The following ABR variants were observed in gnomAD, a reference collection of about 807,000 sequenced individuals.
ABR encodes active breakpoint cluster region-related protein.
In ABR, 35 loss-of-function variants were observed where a neutral mutation model predicts 107.2. The ratio of observed to expected loss-of-function variants is 0.33; its 90% confidence interval spans 0.25 to 0.43. ABR has a LOEUF of 0.43. Among genes scored for constraint, ABR ranks in the 20% least tolerant of loss-of-function variants. The pLI, the probability that ABR is intolerant of heterozygous loss-of-function variation, is 1.00. For synonymous variants in ABR, 498 were observed against 462.0 expected (o/e 1.08, Z -1.00); for missense variants, 815 against 1,115.2 (o/e 0.73, Z 3.83).
At chr17:1,112,539 AT>A (rs1210747548) in intron 2 of ABR, among the ~76,000 whole-genome samples, 1 of 142,546 alleles carries the variant, frequency 7.0e-6, no homozygotes, top group African/African-American at 2.5e-5. Context: ...GGAGGCTGCA[AT>A]GAGCTATGAT....
chr17:1,100,331 C>G lies in ABR; in HGVS notation c.345+306G>C, dbSNP rs370047690. Among the ~76,000 whole-genome samples, 37 of 152,332 alleles carry G rather than the reference C, an allele frequency of 2.4e-4. 1 individual carries two copies. The South Asian group carries it at 7.2e-3, about 30-fold the overall frequency. Reference sequence around the variant, plus strand: ...GGCGCTCGGCCCCCGCCCAGGCAGGCAGAGCACCATGATGGGTTCACGATG... The same window carrying G: ...GGCGCTCGGCCCCCGCCCAGGCAGGGAGAGCACCATGATGGGTTCACGATG... On this transcript the variant is annotated intron_variant, in intron 3 of 22. Coordinates refer to ENST00000302538, the MANE Select transcript of ABR (RefSeq NM_021962.5).
intron 1 of ABR, chr17:1,125,596 C>T (rs911651864): frequency 1.3e-5 from 5 of 375,112 alleles, no homozygotes; most frequent in African/African-American, 2.1e-5. Context: ...CGGGGAGGAG[C>T]GGCTCTGCTG....
intron 12 of ABR, 117 bp from the exon 13 acceptor site, chr17:1,057,219 G>T (rs1395405533): frequency 6.0e-6 from 4 of 667,946 alleles, no homozygotes; most frequent in Middle Eastern, 3.8e-4. Context: ...CTTGGTCCTT[G>T]CGAGGGAGGG....
rs572601085 is a variant in ABR, at chr17:1,079,230, C to T, written c.700+100G>A. ...GCTCACGCTCACACGCGCTCACACA[C>T]ACGCACACACAAGGGGAAGGGCGCC... is the stretch of plus-strand genomic sequence containing the variant. On this transcript the variant is annotated intron_variant, in intron 6 of 22. Coordinates refer to ENST00000302538, the MANE Select transcript of ABR (RefSeq NM_021962.5). 5.7e-5 allele frequency: 87 copies of T among 1,526,928 alleles called. No individual in the cohort carries two copies. In the East Asian group the frequency reaches 1.6e-3, roughly 29 times the overall value. 94.6% of individuals were successfully genotyped at this position (1,526,928 alleles called of 1,614,324 possible).
intron 1 of ABR, among the ~76,000 whole-genome samples, chr17:1,145,306 G>A (rs1351857754): frequency 6.6e-6 from 1 of 152,210 alleles, no homozygotes; most frequent in African/African-American, 2.4e-5. Context: ...AAGTCCTTCT[G>A]ACAAATCCCA....
intron 2 of ABR, among the ~76,000 whole-genome samples, chr17:1,110,355 G>A (rs1246371276): frequency 1.3e-5 from 2 of 151,986 alleles, no homozygotes; most frequent in Non-Finnish European, 2.9e-5. Context: ...ATGAGGGTGC[G>A]GGTGAGGCCT....
intron 2 of ABR, among the ~76,000 whole-genome samples, chr17:1,123,904 C>T (rs1411856158): frequency 6.6e-6 from 1 of 152,228 alleles, no homozygotes; most frequent in African/African-American, 2.4e-5. Context: ...ACGCTTGTCT[C>T]TAACCCGCCT....
chr17:1,193,277 C>A (rs960301390), intron 1 of ABR, among the ~76,000 whole-genome samples: 30 of 151,156 alleles, frequency 2.0e-4, no homozygotes, highest in Admixed American at 2.6e-4. Context: ...ACCCCCTCCC[C>A]CTCAATACCC....
chr17:1,083,489 C>T, intron 5 of ABR, 31 bp downstream of exon 5: 2 of 1,529,704 alleles, frequency 1.3e-6, no homozygotes, highest in Non-Finnish European at 1.8e-6. Context: ...GCTCCTTGTC[C>T]CTCAGGGTGG....
At chr17:1,139,049 A>T (rs184413089) in intron 1 of ABR, among the ~76,000 whole-genome samples, 1 of 152,346 alleles carries the variant, frequency 6.6e-6, no homozygotes, top group East Asian at 1.9e-4. Flanking sequence ...CTAAATCCAG[A>T]CATTTGTAAA....
chr17:1,012,497 C>T (rs764510924), intron 18 of ABR, 191 bp downstream of exon 18: 49 of 701,138 alleles, frequency 7.0e-5, no homozygotes, highest in Non-Finnish European at 1.0e-4. Flanking sequence ...GGTGCTGGCT[C>T]GCGTGCTTCT....
chr17:1,098,783 C>T (rs1047819067), intron 3 of ABR, among the ~76,000 whole-genome samples: 2 of 152,176 alleles, frequency 1.3e-5, no homozygotes, highest in Non-Finnish European at 2.9e-5. Flanking sequence ...CTCAGCCTGG[C>T]GTGTGGCAAA....
At position 1,056,866 on chromosome 17, in the gene ABR, C is replaced by T. The variant is rs569417258; in HGVS notation, c.1486+132G>A. 26 of 635,866 alleles carry T rather than the reference C, an allele frequency of 4.1e-5. No homozygotes were observed. The East Asian group carries it at 5.6e-4, about 14-fold the overall frequency. 39.4% of individuals were successfully genotyped at this position (635,866 alleles called of 1,614,324 possible). On this transcript the variant is annotated intron_variant, in intron 13 of 22. Transcript: ENST00000302538. ...CTACCCAAGCTGTGTCCTGGCCACT[C>T]AACAGTCTCAGCACAGCCGAGCAGG...
intron 1 of ABR, among the ~76,000 whole-genome samples, chr17:1,165,574 C>T (rs942279279): frequency 1.3e-5 from 2 of 152,206 alleles, no homozygotes; most frequent in African/African-American, 4.8e-5. Flanking sequence ...TCTTGTTGCC[C>T]AGGCTGGAGT....
chr17:1,064,125 C>G (rs1454086181), intron 10 of ABR, among the ~76,000 whole-genome samples: 3 of 124,060 alleles, frequency 2.4e-5, no homozygotes, highest in African/African-American at 6.4e-5. Context: ...GTTATGTGAA[C>G]TGAGGGCTAT....
In ABR at chr17:1,157,344, G is replaced by T. The variant is rs369201241; in HGVS notation, c.61+22323C>A. ...TAGCTCACTGCAACCTCCACCTCCC[G>T]GGTTCAAGTAATTCTCCTGCCTCAG... On this transcript the variant is annotated intron_variant, in intron 1 of 22. Coordinates refer to ENST00000302538, the MANE Select transcript of ABR (RefSeq NM_021962.5). This position sits in a 1 kb window ranked among gnomAD's most constrained non-coding sequence, Gnocchi z 4.7. Among the ~76,000 whole-genome samples, 1 of 150,966 alleles carries T rather than the reference G, an allele frequency of 6.6e-6. No individual in the cohort carries two copies. The highest frequency in any genetic ancestry group is 1.9e-4 in the East Asian group (1 of 5,142).
chr17:1,223,854 A>C (rs926520877), intron 1 of ABR, among the ~76,000 whole-genome samples: 10 of 152,152 alleles, frequency 6.6e-5, no homozygotes, highest in African/African-American at 1.9e-4. Context: ...TCAGGACAAC[A>C]GCCCGGGGGA....
chr17:1,229,098 A>T (rs1035731344), exon 1 of ABR: 2 of 151,386 alleles, frequency 1.3e-5, no homozygotes, highest in Non-Finnish European at 3.0e-5. Flanking sequence ...GCAAGGGGCC[A>T]CCAGCCAGTG....
chr17:1,046,152 C>T (rs1156349274), intron 16 of ABR, among the ~76,000 whole-genome samples: 3 of 151,806 alleles, frequency 2.0e-5, no homozygotes, highest in Non-Finnish European at 2.9e-5. Context: ...ATTACAGGCA[C>T]GCACGACCAC....
Sources: allele counts gnomAD v4.1 joint callset (sites outside exome capture counted in the v4.1 genomes callset), GRCh38; gene constraint gnomAD v4.1.1; non-coding constraint Gnocchi (gnomAD v3.1); transcripts MANE v1.5; gene names NCBI Gene and HGNC (gene_info 2026-07-23, HGNC 2026-07-21).